SSBP4: variants seen among roughly 807,000 people sequenced by gnomAD.
The protein encoded by SSBP4 is single stranded DNA binding protein 4.
Under a neutral mutation model 64.6 loss-of-function variants are expected in SSBP4, and 33 were observed. That is an observed-to-expected ratio of 0.51 (90% CI 0.39 to 0.68). The LOEUF (loss-of-function observed/expected upper bound fraction) is 0.68, where lower values mean the gene tolerates loss of function less well. Ranked by LOEUF, SSBP4 falls within the 30% of genes least tolerant of loss-of-function variation. The pLI is 0.00. For missense variants in SSBP4, 583 were observed against 566.8 expected, an observed-to-expected ratio of 1.03 and a Z score of -0.29; for synonymous variants, 243 against 224.0, an observed-to-expected ratio of 1.08 and a Z score of -0.76.
upstream of SSBP4, among the ~76,000 whole-genome samples, chr19:18,417,705 G>A (rs975557904): frequency 8.5e-5 from 13 of 152,304 alleles, no homozygotes; most frequent in Middle Eastern, 3.4e-3. The surrounding 1 kb of genome is among the most constrained non-coding windows in gnomAD (Gnocchi z 5.4). Flanking sequence ...AGAGGAAGCT[G>A]GGGGAAGGGG....
chr19:18,423,262 T>C lies in SSBP4; in HGVS notation c.59+3555T>C, dbSNP rs79225843. 2.0e-5 allele frequency among the ~76,000 whole-genome samples: 3 copies of C among 152,274 alleles called. No homozygotes were observed. The East Asian group carries it at 5.8e-4, about 29-fold the overall frequency. ...CCGGGCTTGATTTTGAGCCGGCACA[T>C]GGATGTCGGTGGCTTGTTCATCAGC... On this transcript the variant is annotated intron_variant, in intron 1 of 17. Coordinates refer to ENST00000270061, the MANE Select transcript of SSBP4 (RefSeq NM_032627.5). This position sits in a 1 kb window ranked among gnomAD's most constrained non-coding sequence, Gnocchi z 4.0.
At chr19:18,414,905 C>A (rs1358814802), upstream of SSBP4, among the ~76,000 whole-genome samples, 1 of 152,114 alleles carries the variant, frequency 6.6e-6, no homozygotes, top group Non-Finnish European at 1.5e-5. Context: ...AGGCCCAGAG[C>A]CTCTATCTGT....
Position 18,423,017 on chromosome 19 carries a change from C to T in SSBP4, c.59+3310C>T, listed in dbSNP as rs1217011525. 6.6e-6 allele frequency among the ~76,000 whole-genome samples: 1 copy of T among 152,234 alleles called. No individual in the cohort carries two copies. The highest frequency in any genetic ancestry group is 2.4e-5 in the African/African-American group (1 of 41,464). ...GCTGGCTCCAGAAAGGGACCGAGCA[C>T]CTGGTGGGTGCCTGCCCTCGGGGGC... On this transcript the variant is annotated intron_variant, in intron 1 of 17. Coordinates refer to ENST00000270061, the MANE Select transcript of SSBP4 (RefSeq NM_032627.5). The surrounding 1 kb of genome is among the most constrained non-coding windows in gnomAD (Gnocchi z 4.0).
Position 18,427,249 on chromosome 19 carries a change from G to T in SSBP4, c.60-102G>T. ...AGCTGTCCCTGCTGAGCAGCTGGTG[G>T]GGAGGCCACCTTTCCACCCGCCCTC... is the stretch of plus-strand genomic sequence containing the variant. On this transcript the variant is annotated intron_variant, in intron 1 of 17. Coordinates refer to ENST00000270061, the MANE Select transcript of SSBP4 (RefSeq NM_032627.5). This position sits in a 1 kb window ranked among gnomAD's most constrained non-coding sequence, Gnocchi z 4.4. 1 of 1,201,400 alleles carries T rather than the reference G, an allele frequency of 8.3e-7. No individual in the cohort carries two copies. The highest frequency in any genetic ancestry group is 1.2e-6 in the Non-Finnish European group (1 of 843,034). 74.4% of individuals were successfully genotyped at this position (1,201,400 alleles called of 1,614,324 possible).
At chr19:18,433,863 A>T (rs1973748282) in intron 17 of SSBP4, 46 bp downstream of exon 17, 1 of 1,195,858 alleles carries the variant, frequency 8.4e-7, no homozygotes, top group South Asian at 1.9e-5. Flanking sequence ...GTCGGGCCGG[A>T]GGGGCTGGCG....
intron 17 of SSBP4, 29 bp downstream of exon 17, chr19:18,433,846 C>T: frequency 7.6e-7 from 1 of 1,318,770 alleles, no homozygotes. Context: ...TCCCCCCCCG[C>T]GGCGGCGTCG....
At chr19:18,432,668 G>A in intron 11 of SSBP4, 32 bp from the exon 12 acceptor site, 1 of 1,559,166 alleles carries the variant, frequency 6.4e-7, no homozygotes. Context: ...TGAGCCGCCT[G>A]GCTGACTGCT....
the SSBP4 span, among the ~76,000 whole-genome samples, chr19:18,408,133 G>A: frequency 5.3e-5 from 8 of 152,310 alleles, no homozygotes; most frequent in South Asian, 1.0e-3. Context: ...AGCCATGGTC[G>A]GCCAAGCATG....
intron 4 of SSBP4, 52 bp downstream of exon 4, chr19:18,428,034 GCCTGTGGCTGGGGAGGT>G: frequency 6.5e-7 from 1 of 1,535,524 alleles, no homozygotes. Context: ...GGTGTGCTGG[GCCTGTGGCTGGGGAGGT>G]GGGGTGGGGG....
chr19:18,419,442 C>T lies in SSBP4; in HGVS notation c.-207C>T. 9.5e-7 allele frequency: 1 copy of T among 1,052,544 alleles called. No homozygotes were observed. The highest frequency in any genetic ancestry group is 1.1e-6 in the Non-Finnish European group (1 of 875,390). The allele number at this position is 1,052,544 out of a possible 1,614,324, so 65.2% of individuals were successfully genotyped here. A position where few individuals can be genotyped will look rare whatever the true frequency, so the allele number is the denominator to read the frequency against. On this transcript the variant is annotated 5_prime_UTR_variant, in exon 1 of 18. Coordinates refer to ENST00000270061, the MANE Select transcript of SSBP4 (RefSeq NM_032627.5). Reference sequence around the variant, plus strand: ...GCGGAGGAAAGGGAGGAAAAAAAGCCACCCTGCGGCCGGGGCCGGAGCTGG... The same window carrying T: ...GCGGAGGAAAGGGAGGAAAAAAAGCTACCCTGCGGCCGGGGCCGGAGCTGG...
At position 18,434,227 on chromosome 19, in the gene SSBP4, G is replaced by A; in HGVS notation, c.1139G>A (p.Gly380Glu). The change falls in exon 18 of 18, where the codon GGG becomes GAG. Residue 380 changes from glycine (G) to glutamate (E), a missense_variant. Gly to Glu is a moderately conservative substitution (Grantham distance 98). Coordinates refer to ENST00000270061, the MANE Select transcript of SSBP4 (RefSeq NM_032627.5). The part of the protein sequence containing the change: ...HPFPSESYSP[G>E]MTMSV ...CTCCTCTCTCCGCAGTACTCGCCAG[G>A]GATGACCATGAGCGTGTGATGGGGC... The A allele has an allele frequency of 3.1e-6, 5 of 1,611,956 alleles. No homozygotes were observed. Among genetic ancestry groups the A allele is most frequent in the Non-Finnish European group, 3.4e-6 (4 of 1,179,592 alleles).
Position 18,431,700 on chromosome 19 carries a change from G to T in SSBP4, c.489G>T (p.Pro163=), listed in dbSNP as rs542498763. ...PGGPRPTLRM[P]SQPPAGLPGS... ...GCCCCCGGCCCACCCTGCGGATGCC[G>T]AGTCAGGTGAGAAAGGGATGAGGGG... is the stretch of plus-strand genomic sequence containing the variant. The change falls in exon 7 of 18, where the codon CCG becomes CCT. Residue 163 remains proline (P), a synonymous_variant. Transcript: ENST00000270061. The T allele has an allele frequency of 6.4e-7, 1 of 1,550,922 alleles. No individual in the cohort carries two copies. Among genetic ancestry groups the T allele is most frequent in the Admixed American group, 1.9e-5 (1 of 51,630 alleles).
chr19:18,432,041 C>G lies in SSBP4; in HGVS notation c.607C>G (p.Pro203Ala). The G allele has an allele frequency of 6.3e-7, 1 of 1,584,944 alleles. No homozygotes were observed. The highest frequency in any genetic ancestry group is 8.6e-7 in the Non-Finnish European group (1 of 1,161,646). The change falls in exon 9 of 18, where the codon CCT (proline) becomes GCT (alanine). Residue 203 changes from proline (P) to alanine (A), a missense_variant. Around this residue, in one of 5 missense-constraint regions of SSBP4, gnomAD observed 444 missense variants for 386.6 expected, o/e 1.15. Coordinates refer to ENST00000270061, the MANE Select transcript of SSBP4 (RefSeq NM_032627.5). ...MGGPMQRVTP[P>A]RGMASVGPQS... The stretch of plus-strand genomic sequence containing the variant: ...CGGCCCAATGCAGAGGGTGACGCCT[C>G]CTCGTGGCATGGCCAGCGTGGGGCC...
At chr19:18,421,895 C>T (rs989513834) in intron 1 of SSBP4, among the ~76,000 whole-genome samples, 6 of 152,044 alleles carry the variant, frequency 3.9e-5, no homozygotes, top group Non-Finnish European at 7.4e-5. Context: ...TGGTGGCTCA[C>T]GCCTATAATC....
upstream of SSBP4, chr19:18,419,350 G>C (rs1972256581): frequency 9.8e-7 from 1 of 1,019,680 alleles, no homozygotes. Context: ...CGCGGGCGGC[G>C]TAGAGGCAGC....
At chr19:18,429,350 G>A (rs10411636) in intron 4 of SSBP4, among the ~76,000 whole-genome samples, 3,242 of 152,176 alleles carry the variant, frequency 0.021, 87 homozygotes, top group African/African-American at 0.057. Flanking sequence ...GGGCCGGGCC[G>A]GCTCCTCTTC....
At chr19:18,415,955 G>A (rs1349298433), upstream of SSBP4, among the ~76,000 whole-genome samples, 1 of 152,128 alleles carries the variant, frequency 6.6e-6, no homozygotes, top group Admixed American at 6.5e-5. Flanking sequence ...CCTTCCCCGG[G>A]GCAACCTCCC....
the SSBP4 span, among the ~76,000 whole-genome samples, chr19:18,408,916 G>A: frequency 6.6e-6 from 1 of 151,878 alleles, no homozygotes; most frequent in South Asian, 2.1e-4. Context: ...GGGCTCAAGC[G>A]ATCCTCCTGG....
the SSBP4 span, among the ~76,000 whole-genome samples, chr19:18,413,328 C>G: frequency 6.6e-6 from 1 of 152,144 alleles, no homozygotes; most frequent in South Asian, 2.1e-4. Context: ...CCTGCCTCAG[C>G]CTCCTGAATA....
Sources: gnomAD v4.1 joint callset for allele counts (sites outside exome capture counted in the v4.1 genomes callset) on GRCh38, gnomAD v4.1.1 for gene constraint, gnomAD v4.1.1 regional missense constraint, Gnocchi (gnomAD v3.1) non-coding constraint, MANE v1.5 for transcripts, NCBI Gene and HGNC (gene_info 2026-07-23, HGNC 2026-07-21) for gene names.